SLC10A7: variants seen among roughly 807,000 people sequenced by gnomAD.
SLC10A7 encodes sodium/bile acid cotransporter 7.
Under a neutral mutation model 43.2 loss-of-function variants are expected in SLC10A7, and 29 were observed. The ratio of observed to expected loss-of-function variants is 0.67; its 90% CI spans 0.50 to 0.92. The LOEUF is 0.92. SLC10A7 is among the 40% of genes least tolerant of loss of function. The pLI, the probability that SLC10A7 is intolerant of heterozygous loss-of-function variation, is 0.00. For missense variants in SLC10A7, 295 were observed against 403.2 expected, an observed-to-expected ratio of 0.73 and a Z score of 2.30; for synonymous variants, 152 against 144.8, an observed-to-expected ratio of 1.05 and a Z score of -0.35.
intron 11 of SLC10A7, 61 bp from the exon 12 acceptor site, chr4:146,256,581 A>C: frequency 6.5e-7 from 1 of 1,544,978 alleles, no homozygotes; most frequent in Non-Finnish European, 8.9e-7. Flanking sequence ...TGAAAGCATC[A>C]ATTAACACCA....
rs886540813 is a variant in SLC10A7, at chr4:146,255,625, G to C, written c.*866C>G. The C allele has an allele frequency of 2.0e-5, 3 of 152,262 alleles. No individual in the cohort carries two copies. Among genetic ancestry groups the C allele is most frequent in the African/African-American group, 7.2e-5 (3 of 41,454 alleles). 9.4% of individuals were successfully genotyped at this position (152,262 alleles called of 1,614,324 possible). A position where few individuals can be genotyped will look rare whatever the true frequency, so the allele number is the denominator to read the frequency against. On this transcript the variant is annotated 3_prime_UTR_variant, in exon 12 of 12. Coordinates refer to ENST00000335472, the MANE Select transcript of SLC10A7 (RefSeq NM_001029998.6). ...GTAATAGGAAAAAAATTTGGTCTGG[G>C]TTGTGGAATGTGAATAGAATCTACC... is the stretch of plus-strand genomic sequence containing the variant.
At chr4:146,382,331 C>T (rs1277094416) in intron 5 of SLC10A7, among the ~76,000 whole-genome samples, 1 of 152,122 alleles carries the variant, frequency 6.6e-6, no homozygotes, top group Admixed American at 6.6e-5. Flanking sequence ...TCATTTCTTC[C>T]ATTGTGCCAT....
chr4:146,350,447 G>A lies in SLC10A7; in HGVS notation c.436-24451C>T, dbSNP rs1211733764. On this transcript the variant is annotated intron_variant, in intron 5 of 11. Transcript: ENST00000335472. ...GATCAAACTGTAAGGCGGCAGCGAG[G>A]CTGGGGGAGGGGCGCCCGCCATTGC... Among the ~76,000 whole-genome samples the A allele has an allele frequency of 5.7e-5, 8 of 141,540 alleles. No individual in the cohort carries two copies. In the East Asian group the frequency reaches 1.6e-3, roughly 29 times the overall value. The allele number at this position is 141,540 out of a possible 152,430, so 92.9% of individuals were successfully genotyped here. A position where few individuals can be genotyped will look rare whatever the true frequency, so the allele number is the denominator to read the frequency against.
chr4:146,262,808 T>C lies in SLC10A7; in HGVS notation c.848-3971A>G, dbSNP rs541872580. Among the ~76,000 whole-genome samples, 9 of 152,340 alleles carry C rather than the reference T, an allele frequency of 5.9e-5. No homozygotes were observed. In the South Asian group the frequency reaches 1.9e-3, roughly 32 times the overall value. ...AGTCTCTCTGCCTTCAGAGTTGTCC[T>C]GTCCAAGCCATTTTCTACTCTGTGA... On this transcript the variant is annotated intron_variant, in intron 10 of 11. Transcript: ENST00000335472.
intron 4 of SLC10A7, among the ~76,000 whole-genome samples, chr4:146,467,494 CACAG>C (rs777104124): frequency 2.2e-5 from 3 of 134,624 alleles, no homozygotes; most frequent in African/African-American, 8.1e-5. Flanking sequence ...CACACACACA[CACAG>C]GCACACACAA....
rs908951932 is a variant in SLC10A7, at chr4:146,390,348, G to A, written c.435+52435C>T. On this transcript the variant is annotated intron_variant, in intron 5 of 11. Transcript: ENST00000335472. Reference sequence around the variant, plus strand: ...GAATATGTAAAAGATAGCTATTTAGGCTGGGTACAGTGGCTCACACCTGTA... The same window carrying A: ...GAATATGTAAAAGATAGCTATTTAGACTGGGTACAGTGGCTCACACCTGTA... 2.0e-5 allele frequency among the ~76,000 whole-genome samples: 3 copies of A among 152,132 alleles called. No homozygotes were observed. The East Asian group carries it at 5.8e-4, about 29-fold the overall frequency.
At chr4:146,416,917 ACCT>A (rs903672270) in intron 5 of SLC10A7, among the ~76,000 whole-genome samples, 2 of 151,872 alleles carry the variant, frequency 1.3e-5, no homozygotes, top group Admixed American at 1.3e-4. Flanking sequence ...TTGCTCTCTC[ACCT>A]CCTTCAAGTC....
intron 5 of SLC10A7, among the ~76,000 whole-genome samples, chr4:146,332,177 T>C (rs970206256): frequency 3.3e-5 from 5 of 152,114 alleles, no homozygotes; most frequent in Non-Finnish European, 7.4e-5. Flanking sequence ...AAATCAAACA[T>C]TTAGCAGTTA....
chr4:146,445,919 G>C (rs991968671), intron 4 of SLC10A7, among the ~76,000 whole-genome samples: 1 of 147,340 alleles, frequency 6.8e-6, no homozygotes. Flanking sequence ...GTGTGTGCAC[G>C]TGCGCACGCG....
intron 4 of SLC10A7, among the ~76,000 whole-genome samples, chr4:146,453,783 A>C (rs939148506): frequency 6.6e-6 from 1 of 151,982 alleles, no homozygotes; most frequent in Non-Finnish European, 1.5e-5. Context: ...AAATCATTTA[A>C]TGTGCAAACT....
chr4:146,372,979 G>A (rs1392353584), intron 5 of SLC10A7, among the ~76,000 whole-genome samples: 1 of 152,136 alleles, frequency 6.6e-6, no homozygotes, highest in Non-Finnish European at 1.5e-5. Context: ...CAATAGGTCT[G>A]TCTTGAAGAA....
chr4:146,446,370 A>C (rs559611308), intron 4 of SLC10A7, among the ~76,000 whole-genome samples: 4 of 152,152 alleles, frequency 2.6e-5, no homozygotes, highest in African/African-American at 7.2e-5. Context: ...TGAGGTCAGG[A>C]GTTTGAAACC....
chr4:146,306,241 A>C (rs942551386), intron 6 of SLC10A7, among the ~76,000 whole-genome samples: 6 of 152,174 alleles, frequency 3.9e-5, no homozygotes, highest in Non-Finnish European at 7.4e-5. Context: ...ATTGATTTGC[A>C]ATCAACCTAA....
intron 3 of SLC10A7, among the ~76,000 whole-genome samples, chr4:146,505,167 T>C (rs920556511): frequency 3.9e-5 from 6 of 152,208 alleles, no homozygotes; most frequent in East Asian, 1.9e-4. Context: ...GCCCCACTTA[T>C]ACAAGAATTT....
intron 7 of SLC10A7, among the ~76,000 whole-genome samples, chr4:146,299,716 T>C (rs17021365): frequency 0.066 from 10,061 of 152,094 alleles, 429 homozygotes; most frequent in South Asian, 0.16. Context: ...ACAATCCCTT[T>C]GAAGAGTAGA....
chr4:146,394,737 A>G (rs572076914), intron 5 of SLC10A7, among the ~76,000 whole-genome samples: 28 of 152,144 alleles, frequency 1.8e-4, no homozygotes, highest in Non-Finnish European at 3.5e-4. Context: ...CACACACAAT[A>G]AACATGAACC....
chr4:146,366,070 C>T (rs1736370111), intron 5 of SLC10A7, among the ~76,000 whole-genome samples: 1 of 151,678 alleles, frequency 6.6e-6, no homozygotes, highest in Admixed American at 6.5e-5. Flanking sequence ...ACAGTTTCAT[C>T]TCAAAACCCA....
chr4:146,317,827 A>G (rs1732428300), intron 6 of SLC10A7, among the ~76,000 whole-genome samples: 1 of 151,938 alleles, frequency 6.6e-6, no homozygotes, highest in Non-Finnish European at 1.5e-5. Flanking sequence ...CTCAGACTGG[A>G]GCTAAGAGTT....
In SLC10A7 at chr4:146,407,013, A is replaced by C. The variant is rs557012008; in HGVS notation, c.435+35770T>G. ...ACAAAACAAACAACAACAACAACAA[A>C]AAAGTGTTTACTGTGTGATTCTGGT... On this transcript the variant is annotated intron_variant, in intron 5 of 11. Coordinates refer to ENST00000335472, the MANE Select transcript of SLC10A7 (RefSeq NM_001029998.6). Among the ~76,000 whole-genome samples, 7 of 152,132 alleles carry C rather than the reference A, an allele frequency of 4.6e-5. No individual in the cohort carries two copies. The South Asian group carries it at 6.2e-4, about 14-fold the overall frequency.
Sources: allele counts gnomAD v4.1 joint callset (sites outside exome capture counted in the v4.1 genomes callset), GRCh38; gene constraint gnomAD v4.1.1; transcripts MANE v1.5; gene names NCBI Gene and HGNC (gene_info 2026-07-23, HGNC 2026-07-21).